The following SLC4A4 variants were observed in gnomAD, a reference collection of about 807,000 sequenced individuals.
The protein encoded by SLC4A4 is electrogenic sodium bicarbonate cotransporter 1.
Under a neutral mutation model 111.5 loss-of-function variants are expected in SLC4A4, and 27 were observed. The observed-to-expected ratio is 0.24, with a 90% CI of 0.18 to 0.33. The LOEUF (loss-of-function observed/expected upper bound fraction) is 0.33, where lower values mean the gene tolerates loss of function less well. Ranked by LOEUF, SLC4A4 falls within the 10% of genes least tolerant of loss-of-function variation. SLC4A4 has a pLI of 1.00. For synonymous variants in SLC4A4, 443 were observed against 463.4 expected (o/e 0.96, Z 0.57); for missense variants, 909 against 1,315.5 (o/e 0.69, Z 4.78).
chr4:71,093,116 T>C (rs542114536), intron 2 of SLC4A4, among the ~76,000 whole-genome samples: 1 of 152,012 alleles, frequency 6.6e-6, no homozygotes, highest in South Asian at 2.1e-4. Context: ...TAAAATAAAG[T>C]CATATATGGC....
rs1315763698 is a variant in SLC4A4 at position 71,411,528 on chromosome 4, T to C, written c.807+13875T>C. Among the ~76,000 whole-genome samples, 5 of 152,280 alleles carry C rather than the reference T, an allele frequency of 3.3e-5. No individual in the cohort carries two copies. In the South Asian group the frequency reaches 6.2e-4, roughly 19 times the overall value. The stretch of plus-strand genomic sequence containing the variant: ...CACTAATAGGCCATTTGCTTCAAAA[T>C]TGGAGAAATGATATCCAGCCATCTG... On this transcript the variant is annotated intron_variant, in intron 7 of 25. Transcript: ENST00000264485.
chr4:71,279,692 A>G (rs1723354826), intron 3 of SLC4A4, among the ~76,000 whole-genome samples: 1 of 152,104 alleles, frequency 6.6e-6, no homozygotes, highest in African/African-American at 2.4e-5. Flanking sequence ...TTTTTGAGGA[A>G]CTTCCATTCT....
At chr4:71,339,540 A>T (rs1728713465) in intron 4 of SLC4A4, 35 bp downstream of exon 4, 1 of 1,603,372 alleles carries the variant, frequency 6.2e-7, no homozygotes, top group Non-Finnish European at 8.5e-7. Flanking sequence ...GTACTGACCC[A>T]GGGAAACAAG....
intron 18 of SLC4A4, among the ~76,000 whole-genome samples, chr4:71,539,575 C>G (rs930784997): frequency 3.9e-5 from 6 of 152,094 alleles, no homozygotes; most frequent in Non-Finnish European, 8.8e-5. Flanking sequence ...TTTCAAAATC[C>G]TCTCCATCCT....
chr4:71,569,708 T>C lies in SLC4A4; in HGVS notation c.*1957T>C, dbSNP rs1737787845. 6.6e-6 allele frequency: 1 copy of C among 151,726 alleles called. No homozygotes were observed. The highest frequency in any genetic ancestry group is 2.4e-5 in the African/African-American group (1 of 41,392). The allele number at this position is 151,726 out of a possible 1,614,324, so 9.4% of individuals were successfully genotyped here. ...TTTTGGTTTGATAATATGCACTTATTGACTCCCACTCATTGTTATGTTAAT... is the reference window on the plus strand; with the variant it reads ...TTTTGGTTTGATAATATGCACTTATCGACTCCCACTCATTGTTATGTTAAT... On this transcript the variant is annotated 3_prime_UTR_variant, in exon 26 of 26. Coordinates refer to ENST00000264485, the MANE Select transcript of SLC4A4 (RefSeq NM_001098484.3).
chr4:71,457,752 A>G (rs1305775391), intron 12 of SLC4A4, among the ~76,000 whole-genome samples: 5 of 152,112 alleles, frequency 3.3e-5, no homozygotes, highest in African/African-American at 9.6e-5. Flanking sequence ...CCAACTCACT[A>G]CATTATTGCA....
At chr4:71,464,943 A>G (rs909922070) in intron 12 of SLC4A4, among the ~76,000 whole-genome samples, 2 of 152,124 alleles carry the variant, frequency 1.3e-5, no homozygotes, top group African/African-American at 4.8e-5. Context: ...CATTTTATGT[A>G]TATTGTATTT....
chr4:71,299,086 A>T (rs528751529), intron 3 of SLC4A4, among the ~76,000 whole-genome samples: 1 of 152,188 alleles, frequency 6.6e-6, no homozygotes, highest in African/African-American at 2.4e-5. Context: ...GAAAAGTTTT[A>T]TCTTGAGTTT....
At chr4:71,152,180 T>C (rs1425341940) in intron 2 of SLC4A4, among the ~76,000 whole-genome samples, 1 of 152,190 alleles carries the variant, frequency 6.6e-6, no homozygotes, top group East Asian at 1.9e-4. Flanking sequence ...CATTACATGT[T>C]TTCTGTACGT....
At chr4:71,361,802 A>T (rs1177524005) in intron 6 of SLC4A4, among the ~76,000 whole-genome samples, 1 of 152,234 alleles carries the variant, frequency 6.6e-6, no homozygotes, top group East Asian at 1.9e-4. Context: ...GGTAGTATTT[A>T]AAAAATAAAC....
At chr4:71,178,677 G>C (rs4317170) in intron 2 of SLC4A4, among the ~76,000 whole-genome samples, 4,134 of 152,234 alleles carry the variant, frequency 0.027, 236 homozygotes, top group Admixed American at 0.15. Context: ...TCTCTGAATA[G>C]ACCAATAACA....
chr4:71,432,563 T>G (rs552728696), intron 7 of SLC4A4, among the ~76,000 whole-genome samples: 1 of 152,242 alleles, frequency 6.6e-6, no homozygotes, highest in African/African-American at 2.4e-5. Flanking sequence ...GGGAGAAACT[T>G]TGGAAAATTC....
At chr4:71,174,342 T>C (rs1409033346) in intron 2 of SLC4A4, among the ~76,000 whole-genome samples, 3 of 151,714 alleles carry the variant, frequency 2.0e-5, no homozygotes, top group Non-Finnish European at 2.9e-5. Flanking sequence ...CTCTGCTTCC[T>C]GGGTTCAAGC....
At chr4:71,239,324 T>C (rs1490970113) in intron 2 of SLC4A4, among the ~76,000 whole-genome samples, 1 of 152,232 alleles carries the variant, frequency 6.6e-6, no homozygotes, top group Non-Finnish European at 1.5e-5. Context: ...CAATAAGTGA[T>C]TATTAAAGTA....
intron 1 of SLC4A4, among the ~76,000 whole-genome samples, chr4:71,229,994 T>G (rs980766767): frequency 5.3e-5 from 8 of 152,118 alleles, no homozygotes; most frequent in Non-Finnish European, 1.0e-4. Context: ...TCTTGTTCTT[T>G]ATGTGTATGT....
At chr4:71,443,092 C>CTCTCTT in intron 8 of SLC4A4, among the ~76,000 whole-genome samples, 1 of 88,156 alleles carries the variant, frequency 1.1e-5, no homozygotes, top group East Asian at 4.3e-4. Context: ...TACTCTCTCT[C>CTCTCTT]TCTCTCTCTC....
At chr4:71,267,065 T>C (rs1279280004) in intron 3 of SLC4A4, among the ~76,000 whole-genome samples, 1 of 152,168 alleles carries the variant, frequency 6.6e-6, no homozygotes, top group Non-Finnish European at 1.5e-5. Flanking sequence ...TTATTGAAGG[T>C]CTACACCATG....
At chr4:71,460,605 T>C (rs749740962) in intron 12 of SLC4A4, among the ~76,000 whole-genome samples, 8 of 152,138 alleles carry the variant, frequency 5.3e-5, no homozygotes, top group Non-Finnish European at 8.8e-5. Flanking sequence ...GCAGCTGTGA[T>C]CTGTCAGGAC....
chr4:71,081,906 T>C (rs1247965867), intron 1 of SLC4A4, among the ~76,000 whole-genome samples: 2 of 152,100 alleles, frequency 1.3e-5, no homozygotes. Context: ...TGTTAATTCA[T>C]ACACACAGGG....
Sources: allele counts gnomAD v4.1 joint callset (sites outside exome capture counted in the v4.1 genomes callset), GRCh38; gene constraint gnomAD v4.1.1; transcripts MANE v1.5; gene names NCBI Gene and HGNC (gene_info 2026-07-23, HGNC 2026-07-21).